Variants in GRXCR2 observed in about 807,000 individuals in gnomAD.
The protein encoded by GRXCR2 is glutaredoxin and cysteine rich domain containing 2.
GRXCR2 carries 23 observed loss-of-function variants against 24.8 expected under a neutral mutation model. That is an observed-to-expected ratio of 0.93 (90% CI 0.67 to 1.32). The LOEUF (loss-of-function observed/expected upper bound fraction) is 1.32, where lower values mean the gene tolerates loss of function less well. GRXCR2 is among the 40% of genes most tolerant of loss of function. The probability of loss-of-function intolerance (pLI) is 0.00; values close to 1 mark genes in which losing one functional copy is unlikely to be tolerated. For synonymous variants in GRXCR2, 130 were observed against 116.1 expected (o/e 1.12, Z -0.77); for missense variants, 315 against 303.4 (o/e 1.04, Z -0.28).
intron 1 of GRXCR2, 78 bp downstream of exon 1, chr5:145,872,555 T>C: frequency 7.9e-7 from 1 of 1,266,382 alleles, no homozygotes; most frequent in Non-Finnish European, 1.1e-6. Context: ...GACACAAATC[T>C]GAACCATTTA....
chr5:145,906,436 A>T (rs1450843899), intron 2 of GRXCR2, among the ~76,000 whole-genome samples: 2 of 152,108 alleles, frequency 1.3e-5, no homozygotes, highest in East Asian at 3.9e-4. Flanking sequence ...GACAATAAAA[A>T]CCTGCCTGAG....
At chr5:145,918,218 G>T (rs1554106840) in intron 2 of GRXCR2, among the ~76,000 whole-genome samples, 1 of 152,176 alleles carries the variant, frequency 6.6e-6, no homozygotes, top group Non-Finnish European at 1.5e-5. Flanking sequence ...TCCTTTAACA[G>T]AACTTTACAA....
chr5:145,867,876 CAT>C (rs1048318756), intron 1 of GRXCR2, among the ~76,000 whole-genome samples: 59 of 152,216 alleles, frequency 3.9e-4, no homozygotes, highest in African/African-American at 1.3e-3. Context: ...GAGTGGTAAA[CAT>C]GTGTTGTCCT....
intron 2 of GRXCR2, among the ~76,000 whole-genome samples, chr5:145,891,982 C>T (rs1756872085): frequency 1.3e-5 from 2 of 152,254 alleles, no homozygotes; most frequent in South Asian, 2.1e-4. Context: ...CACCAATATC[C>T]ACTGTTCTGC....
intron 2 of GRXCR2, among the ~76,000 whole-genome samples, chr5:145,910,837 AGTGTGTGT>A (rs59096502): frequency 2.0e-5 from 3 of 150,204 alleles, no homozygotes; most frequent in Non-Finnish European, 4.4e-5. Flanking sequence ...AACTATGTGA[AGTGTGTGT>A]GTGTGTGTGT....
intron 2 of GRXCR2, among the ~76,000 whole-genome samples, chr5:145,903,811 A>G (rs1190257677): frequency 1.3e-5 from 2 of 152,210 alleles, no homozygotes; most frequent in East Asian, 3.8e-4. Context: ...TTTCTGGAGC[A>G]GGCACACAAC....
At chr5:145,874,749 T>C (rs73792712), upstream of GRXCR2, among the ~76,000 whole-genome samples, 164 of 152,342 alleles carry the variant, frequency 1.1e-3, 1 homozygote, top group African/African-American at 3.6e-3. Flanking sequence ...CTGTTCCATG[T>C]GACAAGCAAA....
intron 2 of GRXCR2, among the ~76,000 whole-genome samples, chr5:145,908,913 C>T (rs1757125391): frequency 6.6e-6 from 1 of 152,300 alleles, no homozygotes; most frequent in East Asian, 1.9e-4. Context: ...TGGGCACTGA[C>T]CCAAGACTTC....
chr5:145,891,168 C>T (rs769848448), intron 2 of GRXCR2, among the ~76,000 whole-genome samples: 4 of 152,066 alleles, frequency 2.6e-5, no homozygotes, highest in South Asian at 4.2e-4. Flanking sequence ...CCAACATGGC[C>T]GAATAGGAAC....
chr5:145,900,215 T>C (rs1297167743), intron 2 of GRXCR2, among the ~76,000 whole-genome samples: 1 of 152,082 alleles, frequency 6.6e-6, no homozygotes, highest in African/African-American at 2.4e-5. Context: ...TCCCTCTTGC[T>C]GTTCTCCTGA....
intron 2 of GRXCR2, among the ~76,000 whole-genome samples, chr5:145,897,274 CAT>C (rs1756964972): frequency 2.0e-5 from 3 of 151,200 alleles, no homozygotes; most frequent in Non-Finnish European, 4.4e-5. Flanking sequence ...TACATACATA[CAT>C]ACATACATAC....
intron 2 of GRXCR2, among the ~76,000 whole-genome samples, chr5:145,908,761 G>A (rs1359714524): frequency 6.6e-6 from 1 of 152,184 alleles, no homozygotes; most frequent in Non-Finnish European, 1.5e-5. Flanking sequence ...GGCAATCATT[G>A]ACTTCTGAAT....
chr5:145,866,971 T>C (rs1175633991), intron 1 of GRXCR2, among the ~76,000 whole-genome samples: 3 of 152,118 alleles, frequency 2.0e-5, no homozygotes, highest in Non-Finnish European at 2.9e-5. Flanking sequence ...ACTCAGAGTA[T>C]GAGAGTCTGG....
At chr5:145,913,488 G>T (rs560648318) in intron 2 of GRXCR2, among the ~76,000 whole-genome samples, 21 of 152,096 alleles carry the variant, frequency 1.4e-4, no homozygotes, top group Non-Finnish European at 2.8e-4. Context: ...TAAAATAAAG[G>T]TATTTTAATA....
At chr5:145,907,577 C>T (rs1046550172) in intron 2 of GRXCR2, among the ~76,000 whole-genome samples, 3 of 151,896 alleles carry the variant, frequency 2.0e-5, no homozygotes, top group Non-Finnish European at 4.4e-5. Flanking sequence ...CTGGCTGCCA[C>T]ATCGAGTATA....
chr5:145,890,600 C>A (rs960266403), intron 2 of GRXCR2, among the ~76,000 whole-genome samples: 2 of 152,084 alleles, frequency 1.3e-5, no homozygotes, highest in African/African-American at 4.8e-5. Context: ...CTAGACCAGT[C>A]TTATAAGAGA....
chr5:145,895,863 A>G (rs1361778214), intron 2 of GRXCR2, among the ~76,000 whole-genome samples: 2 of 152,130 alleles, frequency 1.3e-5, no homozygotes, highest in African/African-American at 2.4e-5. Flanking sequence ...GAGGCATCAC[A>G]CTACCTGACT....
intron 2 of GRXCR2, among the ~76,000 whole-genome samples, chr5:145,883,706 A>G (rs1391622842): frequency 6.6e-6 from 1 of 152,134 alleles, no homozygotes; most frequent in Admixed American, 6.5e-5. Flanking sequence ...CAGCCTGGGC[A>G]AGTTGGTAAA....
At chr5:145,903,905 C>T (rs1757058035) in intron 2 of GRXCR2, among the ~76,000 whole-genome samples, 1 of 152,160 alleles carries the variant, frequency 6.6e-6, no homozygotes. Flanking sequence ...TTTGAATTAT[C>T]TAAAGAGCCA....
Sources: allele counts gnomAD v4.1 joint callset (sites outside exome capture counted in the v4.1 genomes callset), GRCh38; gene constraint gnomAD v4.1.1; transcripts MANE v1.5; gene names NCBI Gene and HGNC (gene_info 2026-07-23, HGNC 2026-07-21).